Variants in TAS1R3 observed in about 807,000 individuals in gnomAD.
The protein encoded by TAS1R3 is taste 1 receptor member 3, also known as taste receptor type 1 member 3.
In TAS1R3, 58 loss-of-function variants were observed where a neutral mutation model predicts 46.1. The observed-to-expected ratio is 1.26, with a 90% confidence interval of 1.02 to 1.57. The LOEUF (loss-of-function observed/expected upper bound fraction) is 1.57, where lower values mean the gene tolerates loss of function less well. Ranked by LOEUF, TAS1R3 falls within the 40% of genes most tolerant of loss-of-function variation. The pLI is 0.00. For missense variants in TAS1R3, 1,422 were observed against 1,185.8 expected (o/e 1.20, Z -2.93); for synonymous variants, 724 against 544.7 (o/e 1.33, Z -4.58).
Position 1,334,518 on chromosome 1 carries a change from C to A in TAS1R3, c.*54C>A, listed in dbSNP as rs1036791554. On this transcript the variant is annotated 3_prime_UTR_variant, in exon 6 of 6. Coordinates refer to ENST00000339381, the MANE Select transcript of TAS1R3 (RefSeq NM_152228.3). ...ACCCAGACTTAGCTGCGATCCCCCCCAAGCCAGCAATGACCCGTGTCTCGC... is the reference window on the plus strand; with the variant it reads ...ACCCAGACTTAGCTGCGATCCCCCCAAAGCCAGCAATGACCCGTGTCTCGC... The A allele has an allele frequency of 1.4e-6, 2 of 1,444,622 alleles. No homozygotes were observed. The highest frequency in any genetic ancestry group is 2.8e-5 in the African/African-American group (2 of 70,410). 89.5% of individuals were successfully genotyped at this position (1,444,622 alleles called of 1,614,324 possible).
At position 1,331,336 on chromosome 1, in the gene TAS1R3, T is replaced by C; in HGVS notation, c.-10T>C. On this transcript the variant is annotated 5_prime_UTR_variant, in exon 1 of 6. Transcript: ENST00000339381. The stretch of plus-strand genomic sequence containing the variant: ...GCCACCTGCCGTGCCTGTTGGAAGT[T>C]GCCTCTGCCATGCTGGGCCCTGCTG... 6.4e-7 allele frequency: 1 copy of C among 1,559,326 alleles called. No individual in the cohort carries two copies. The highest frequency in any genetic ancestry group is 8.7e-7 in the Non-Finnish European group (1 of 1,154,364).
Position 1,334,213 on chromosome 1 carries a change from G to A in TAS1R3, c.2308G>A (p.Ala770Thr), listed in dbSNP as rs1399120991. ...RARGLTFAML[A>T]YFITWVSFVP... The stretch of plus-strand genomic sequence containing the variant: ...CCGTGGCCTCACCTTTGCCATGCTG[G>A]CCTACTTCATCACCTGGGTCTCCTT... The change falls in exon 6 of 6, where the codon GCC becomes ACC. Residue 770 changes from alanine to threonine, a missense_variant. Ala to Thr is a moderately conservative substitution (Grantham distance 58, BLOSUM62 0). Transcript: ENST00000339381. 2 of 1,608,298 alleles carry A rather than the reference G, an allele frequency of 1.2e-6. No individual in the cohort carries two copies. Among genetic ancestry groups the A allele is most frequent in the South Asian group, 1.1e-5 (1 of 90,104 alleles).
Position 1,333,833 on chromosome 1 carries a change from C to T in TAS1R3, c.1928C>T (p.Pro643Leu), listed in dbSNP as rs756288199. The T allele has an allele frequency of 2.4e-5, 39 of 1,600,156 alleles. No homozygotes were observed. The highest frequency in any genetic ancestry group is 1.7e-4 in the South Asian group (15 of 90,842). The change falls in exon 6 of 6, where the codon CCG becomes CTG. Residue 643 changes from proline (P) to leucine (L), a missense_variant. Transcript: ENST00000339381. ...CLAQQPLSHL[P>L]LTGCLSTLFL... is the part of the protein sequence containing the mutation. Reference sequence around the variant, plus strand: ...GCCCAGCAGCCCTTGTCCCACCTCCCGCTCACGGGCTGCCTGAGCACACTC... The same window carrying T: ...GCCCAGCAGCCCTTGTCCCACCTCCTGCTCACGGGCTGCCTGAGCACACTC...
chr1:1,332,464 G>C lies in TAS1R3; in HGVS notation c.933G>C (p.Gly311=). 1 of 1,609,434 alleles carries C rather than the reference G, an allele frequency of 6.2e-7. No homozygotes were observed. Among genetic ancestry groups the C allele is most frequent in the Non-Finnish European group, 8.5e-7 (1 of 1,179,630 alleles). The change falls in exon 3 of 6, where the codon GGG becomes GGC. Residue 311 remains glycine, a synonymous_variant. Coordinates refer to ENST00000339381, the MANE Select transcript of TAS1R3 (RefSeq NM_152228.3). ...GGCTGACCTCTGACCTGGTCATGGG[G>C]CTGCCCGGCATGGCCCAGATGGGCA... ...EAWLTSDLVM[G]LPGMAQMGTV...
intron 5 of TAS1R3, 23 bp downstream of exon 5, chr1:1,333,402 G>GGGGGTGGGAACGCAGCA: frequency 1.2e-6 from 2 of 1,611,202 alleles, no homozygotes; most frequent in South Asian, 2.2e-5. Flanking sequence ...CCCGGCAGGC[G>GGGGGTGGGAACGCAGCA]GGGGTGGGAA....
chr1:1,334,121 C>T lies in TAS1R3; in HGVS notation c.2216C>T (p.Thr739Met), dbSNP rs1225318596. 21 of 1,580,858 alleles carry T rather than the reference C, an allele frequency of 1.3e-5. No individual in the cohort carries two copies. The highest frequency in any genetic ancestry group is 2.7e-5 in the African/African-American group (2 of 74,292). Residue 739 changes from threonine (T) to methionine (M), a missense_variant, in exon 6 of 6, where the codon ACG becomes ATG. Thr to Met is a moderately conservative substitution (Grantham distance 81). Transcript: ENST00000339381. The part of the protein sequence containing the change: ...SFGLAHATNA[T>M]LAFLCFLGTF... ...GGCCTAGCGCACGCCACCAATGCCA[C>T]GCTGGCCTTTCTCTGCTTCCTGGGC... is the stretch of plus-strand genomic sequence containing the variant.
rs138858544 is a variant in TAS1R3 at position 1,332,597 on chromosome 1, G to A, written c.1066G>A (p.Glu356Lys). 1.1e-4 allele frequency: 184 copies of A among 1,611,226 alleles called. No individual in the cohort carries two copies. The African/African-American group carries it at 1.2e-3, about 10-fold the overall frequency. The change falls in exon 3 of 6, where the codon GAG becomes AAG. Residue 356 changes from glutamate to lysine, a missense_variant. Coordinates refer to ENST00000339381, the MANE Select transcript of TAS1R3 (RefSeq NM_152228.3). ...CCCGGCCTTCTGCTCTGCCCTGGGC[G>A]AGAGGGAGCAGGGTCTGGAGGAGGA... ...TDPAFCSALGEREQGLEEDVV... is the reference protein window; with the variant it reads ...TDPAFCSALGKREQGLEEDVV...
chr1:1,334,469 A>G lies in TAS1R3; in HGVS notation c.*5A>G. On this transcript the variant is annotated 3_prime_UTR_variant, in exon 6 of 6. Coordinates refer to ENST00000339381, the MANE Select transcript of TAS1R3 (RefSeq NM_152228.3). Reference sequence around the variant, plus strand: ...AATCAGGGGAAACATGAGTGACCCAACCCTGTGATCTCAGCCCCGGTGAAC... The same window carrying G: ...AATCAGGGGAAACATGAGTGACCCAGCCCTGTGATCTCAGCCCCGGTGAAC... 6.5e-7 allele frequency: 1 copy of G among 1,535,702 alleles called. No homozygotes were observed. Among genetic ancestry groups the G allele is most frequent in the Non-Finnish European group, 8.8e-7 (1 of 1,139,326 alleles).
Position 1,333,341 on chromosome 1 carries a change from G to C in TAS1R3, c.1562G>C (p.Cys521Ser), listed in dbSNP as rs774178597. 3 of 1,609,538 alleles carry C rather than the reference G, an allele frequency of 1.9e-6. No individual in the cohort carries two copies. Among genetic ancestry groups the C allele is most frequent in the Non-Finnish European group, 2.5e-6 (3 of 1,178,624 alleles). The change falls in exon 5 of 6, where the codon TGT (cysteine) becomes TCT (serine). Residue 521 changes from cysteine (C) to serine (S), a missense_variant. Coordinates refer to ENST00000339381, the MANE Select transcript of TAS1R3 (RefSeq NM_152228.3). ...VKGFHSCCYD[C>S]VDCEAGSYRQ... ...GGGTTCCACTCCTGCTGCTACGACT[G>C]TGTGGACTGCGAGGCGGGCAGCTAC...
Position 1,331,511 on chromosome 1 carries a change from C to G in TAS1R3, c.166C>G (p.Arg56Gly), listed in dbSNP as rs780221586. The G allele has an allele frequency of 1.9e-6, 3 of 1,601,306 alleles. No homozygotes were observed. Among genetic ancestry groups the G allele is most frequent in the Admixed American group, 3.5e-5 (2 of 57,836 alleles). Residue 56 changes from arginine to glycine, a missense_variant, in exon 1 of 6, where the codon CGG (arginine) becomes GGG (glycine). Coordinates refer to ENST00000339381, the MANE Select transcript of TAS1R3 (RefSeq NM_152228.3). ...AEEAGLRSRTRPSSPVCTRFS... is the reference protein window; with the variant it reads ...AEEAGLRSRTGPSSPVCTRFS... ...GGAGGCTGGCCTCCGCAGCCGGACA[C>G]GGCCCAGCAGCCCTGTGTGCACCAG...
In TAS1R3 at chr1:1,332,228, CGCGGCAT is replaced by C. The variant is rs1557656102; in HGVS notation, c.698_704del (p.Arg233ProfsTer29). ...CATCTTCTCGGCCCTGGCCGCGGCA[CGCGGCAT>C]CTGCATCGCGCACGAGGGCCTGGTG... is the stretch of plus-strand genomic sequence containing the variant. On this transcript the variant is annotated frameshift_variant, in exon 3 of 6. Transcript: ENST00000339381. LOFTEE classifies it high-confidence loss of function. 1.3e-6 allele frequency: 2 copies of C among 1,593,042 alleles called. No individual in the cohort carries two copies. Among genetic ancestry groups the C allele is most frequent in the South Asian group, 2.2e-5 (2 of 90,336 alleles).
intron 3 of TAS1R3, 49 bp from the exon 4 acceptor site, chr1:1,332,872 C>G: frequency 6.3e-7 from 1 of 1,588,394 alleles, no homozygotes. Context: ...ACGGCCACCA[C>G]GCCTGAGCTG....
At position 1,333,395 on chromosome 1, in the gene TAS1R3, G is replaced by T. The variant is rs368910171; in HGVS notation, c.1600+16G>T. 2.5e-6 allele frequency: 4 copies of T among 1,611,354 alleles called. No individual in the cohort carries two copies. In the South Asian group the frequency reaches 4.4e-5, roughly 18 times the overall value. On this transcript the variant is annotated intron_variant, in intron 5 of 5. Transcript: ENST00000339381. ...CAAAACCCAGGTGAGCCGCCTTCCC[G>T]GCAGGCGGGGGTGGGAACGCAGCAG... is the stretch of plus-strand genomic sequence containing the variant.
chr1:1,332,275 C>T lies in TAS1R3; in HGVS notation c.744C>T (p.Ala248=), dbSNP rs147739774. The change falls in exon 3 of 6, where the codon GCC becomes GCT. Residue 248 remains alanine (A), a synonymous_variant. Transcript: ENST00000339381. ...AGGGCCTGGTGCCGCTGCCCCGTGC[C>T]GATGACTCGCGGCTGGGGAAGGTGC... ...AHEGLVPLPR[A]DDSRLGKVQD... The T allele has an allele frequency of 2.5e-5, 40 of 1,602,520 alleles. No homozygotes were observed. Among genetic ancestry groups the T allele is most frequent in the African/African-American group, 1.3e-4 (10 of 74,980 alleles).
Position 1,331,456 on chromosome 1 carries a change from G to A in TAS1R3, c.111G>A (p.Leu37=), listed in dbSNP as rs753152482. 15 of 1,604,266 alleles carry A rather than the reference G, an allele frequency of 9.4e-6. No homozygotes were observed. In the East Asian group the frequency reaches 1.1e-4, roughly 12 times the overall value. Residue 37 remains leucine, a synonymous_variant, in exon 1 of 6, where the codon CTG becomes CTA. Coordinates refer to ENST00000339381, the MANE Select transcript of TAS1R3 (RefSeq NM_152228.3). The part of the protein sequence containing the change: ...QQLRMKGDYV[L]GGLFPLGEAE... ...TTAGGATGAAGGGGGACTACGTGCT[G>A]GGGGGGCTGTTCCCCCTGGGCGAGG...
rs568502634 is a variant in TAS1R3 at position 1,334,870 on chromosome 1, G to T, written c.*406G>T. 116 of 179,274 alleles carry T rather than the reference G, an allele frequency of 6.5e-4. No homozygotes were observed. The highest frequency in any genetic ancestry group is 2.4e-3 in the Middle Eastern group (1 of 410). 11.1% of individuals were successfully genotyped at this position (179,274 alleles called of 1,614,324 possible). A position where few individuals can be genotyped will look rare whatever the true frequency, so the allele number is the denominator to read the frequency against. ...CATGTCCCACCAGGGCCCCCATCCT[G>T]CACCCTGCCAGGCACCACAGCAGTG... is the stretch of plus-strand genomic sequence containing the variant. On this transcript the variant is annotated 3_prime_UTR_variant, in exon 6 of 6. Transcript: ENST00000339381.
chr1:1,331,997 TC>T, intron 2 of TAS1R3, 26 bp from the exon 3 acceptor site: 1 of 1,413,226 alleles, frequency 7.1e-7, no homozygotes, highest in Non-Finnish European at 9.4e-7. Flanking sequence ...AGCCCCTGTG[TC>T]AGGAGATGCC....
At position 1,332,757 on chromosome 1, in the gene TAS1R3, A is replaced by G; in HGVS notation, c.1226A>G (p.Gln409Arg). The change falls in exon 3 of 6, where the codon CAG (glutamine) becomes CGG (arginine). Residue 409 changes from glutamine (Q) to arginine (R), a missense_variant. Physicochemically the swap from Gln to Arg is conservative, Grantham distance 43 (BLOSUM62 1). Coordinates refer to ENST00000339381, the MANE Select transcript of TAS1R3 (RefSeq NM_152228.3). ...GCCCAGGCCCTGCACAACACTCTTC[A>G]GTGCAACGCCTCAGGCTGCCCCGCG... ...SVAQALHNTL[Q>R]CNASGCPAQD... 1.9e-6 allele frequency: 3 copies of G among 1,605,832 alleles called. No individual in the cohort carries two copies. The highest frequency in any genetic ancestry group is 2.2e-5 in the South Asian group (2 of 91,072).
At chr1:1,333,463 A>G in intron 5 of TAS1R3, 43 bp from the exon 6 acceptor site, 1 of 1,602,274 alleles carries the variant, frequency 6.2e-7, no homozygotes, top group Non-Finnish European at 8.5e-7. Context: ...CAGAGCCCAC[A>G]GGGTACAAGA....
Sources: gnomAD v4.1 joint callset for allele counts on GRCh38, gnomAD v4.1.1 for gene constraint, MANE v1.5 for transcripts, NCBI Gene and HGNC (gene_info 2026-07-23, HGNC 2026-07-21) for gene names.